Variants in STT3B observed in about 807,000 individuals in gnomAD.
STT3B encodes the protein dolichyl-diphosphooligosaccharide--protein glycosyltransferase subunit STT3B.
Under a neutral mutation model 96.8 loss-of-function variants are expected in STT3B, and 29 were observed. The ratio of observed to expected loss-of-function variants is 0.30; its 90% CI spans 0.22 to 0.41. The LOEUF (loss-of-function observed/expected upper bound fraction) is 0.41. STT3B is among the 10% of genes least tolerant of loss of function. The probability of loss-of-function intolerance (pLI) is 1.00; values close to 1 mark genes in which losing one functional copy is unlikely to be tolerated. For missense variants in STT3B, 640 were observed against 1,022.3 expected, an observed-to-expected ratio of 0.63 and a Z score of 5.10; for synonymous variants, 367 against 360.0, an observed-to-expected ratio of 1.02 and a Z score of -0.22.
intron 1 of STT3B, among the ~76,000 whole-genome samples, chr3:31,546,548 G>A (rs1267086080): frequency 6.6e-6 from 1 of 152,180 alleles, no homozygotes; most frequent in Admixed American, 6.5e-5. Context: ...GCTATATTTT[G>A]TTGTTCTCAA....
intron 1 of STT3B, among the ~76,000 whole-genome samples, chr3:31,561,614 TC>T (rs1697881668): frequency 6.6e-6 from 1 of 152,062 alleles, no homozygotes; most frequent in Non-Finnish European, 1.5e-5. Flanking sequence ...ATCTTTCTAC[TC>T]CCTGTGTCCA....
chr3:31,617,762 A>C (rs553156095), intron 7 of STT3B, among the ~76,000 whole-genome samples, 178 bp from the exon 8 acceptor site: 2 of 152,130 alleles, frequency 1.3e-5, no homozygotes, highest in South Asian at 4.1e-4. Context: ...TTATTTGATC[A>C]CTACCTTATT....
intron 1 of STT3B, among the ~76,000 whole-genome samples, chr3:31,562,107 T>G (rs1697894226): frequency 6.6e-6 from 1 of 152,070 alleles, no homozygotes; most frequent in Non-Finnish European, 1.5e-5. Context: ...CCAGGCTGAT[T>G]TTAGGCCTCC....
chr3:31,607,013 C>T (rs1448680898), intron 5 of STT3B, among the ~76,000 whole-genome samples: 1 of 152,122 alleles, frequency 6.6e-6, no homozygotes, highest in Admixed American at 6.6e-5. Context: ...ATTTGACTGC[C>T]CTGCTGGATT....
chr3:31,587,486 C>G (rs1013595655), intron 3 of STT3B, among the ~76,000 whole-genome samples: 2 of 152,056 alleles, frequency 1.3e-5, no homozygotes, highest in South Asian at 2.1e-4. Flanking sequence ...TCAAGCTACC[C>G]TCCCACCTCA....
At chr3:31,628,194 C>T (rs559789201) in intron 13 of STT3B, among the ~76,000 whole-genome samples, 460 of 104,982 alleles carry the variant, frequency 4.4e-3, no homozygotes, top group Non-Finnish European at 5.6e-3. Flanking sequence ...CATAAATATA[C>T]ACAAATTTAT....
intron 13 of STT3B, among the ~76,000 whole-genome samples, chr3:31,628,605 A>G (rs1023253276): frequency 1.3e-5 from 2 of 152,154 alleles, no homozygotes; most frequent in Admixed American, 6.5e-5. Flanking sequence ...ATTGTTCCTC[A>G]TAGAGGTTAA....
Position 31,533,114 on chromosome 3 carries a change from A to C in STT3B, c.116A>C (p.Gln39Pro). The C allele has an allele frequency of 7.2e-7, 1 of 1,388,710 alleles. No homozygotes were observed. The highest frequency in any genetic ancestry group is 9.3e-7 in the Non-Finnish European group (1 of 1,071,184). 86.0% of individuals were successfully genotyped at this position (1,388,710 alleles called of 1,614,324 possible). The change falls in exon 1 of 16, where the codon CAG becomes CCG. Residue 39 changes from glutamine (Q) to proline (P), a missense_variant. Gln to Pro is a moderately conservative substitution (Grantham distance 76, BLOSUM62 -1). Transcript: ENST00000295770. Reference sequence around the variant, plus strand: ...CACGGCCACCACGGGCCCGGGGCCCAGTGCGCGCACAAGGCGGCGGGCGGC... The same window carrying C: ...CACGGCCACCACGGGCCCGGGGCCCCGTGCGCGCACAAGGCGGCGGGCGGC... ...SRHGHHGPGAQCAHKAAGGAA... is the reference protein window; with the variant it reads ...SRHGHHGPGAPCAHKAAGGAA...
chr3:31,555,850 T>C (rs371444224), intron 1 of STT3B, among the ~76,000 whole-genome samples: 41 of 152,260 alleles, frequency 2.7e-4, no homozygotes, highest in African/African-American at 9.9e-4. Context: ...TCCAGTCAAG[T>C]TATTTAGGGG....
chr3:31,627,954 C>G (rs1479299341), intron 13 of STT3B, among the ~76,000 whole-genome samples: 2 of 151,788 alleles, frequency 1.3e-5, no homozygotes, highest in African/African-American at 4.8e-5. Flanking sequence ...ATGTCTACCC[C>G]CTTCACGTGA....
At chr3:31,608,133 C>T (rs1699097127) in intron 5 of STT3B, among the ~76,000 whole-genome samples, 1 of 152,050 alleles carries the variant, frequency 6.6e-6, no homozygotes, top group Admixed American at 6.6e-5. Flanking sequence ...AATTGTTTTG[C>T]CTTTACTGTT....
chr3:31,607,791 G>A (rs1236401042), intron 5 of STT3B, among the ~76,000 whole-genome samples: 3 of 152,022 alleles, frequency 2.0e-5, no homozygotes, highest in Non-Finnish European at 4.4e-5. Flanking sequence ...ATGGTAGGGG[G>A]ATCTCATTAA....
At chr3:31,624,770 T>C (rs1699500146) in intron 11 of STT3B, 144 bp from the exon 12 acceptor site, 1 of 580,398 alleles carries the variant, frequency 1.7e-6, no homozygotes, top group African/African-American at 1.9e-5. Context: ...TTCACTTTTT[T>C]TTTTCTCATT....
At chr3:31,626,747 G>A (rs1699546892) in intron 13 of STT3B, among the ~76,000 whole-genome samples, 1 of 152,174 alleles carries the variant, frequency 6.6e-6, no homozygotes, top group African/African-American at 2.4e-5. Context: ...CTAATTTATA[G>A]TGCCGTTTAA....
intron 5 of STT3B, among the ~76,000 whole-genome samples, chr3:31,614,325 G>T (rs946463610): frequency 6.6e-6 from 1 of 151,902 alleles, no homozygotes; most frequent in East Asian, 1.9e-4. Context: ...TTTAGTTTCA[G>T]TGACTTCAAA....
chr3:31,572,135 C>A (rs1698172245), intron 1 of STT3B, among the ~76,000 whole-genome samples: 4 of 124,030 alleles, frequency 3.2e-5, no homozygotes, highest in African/African-American at 3.9e-5. Context: ...AAGGAAGCAC[C>A]TGATCTAAAT....
chr3:31,602,057 A>G (rs1698940729), intron 5 of STT3B, among the ~76,000 whole-genome samples: 1 of 152,034 alleles, frequency 6.6e-6, no homozygotes, highest in Non-Finnish European at 1.5e-5. Context: ...CCAGGAGTTC[A>G]AGACTGCAGT....
At chr3:31,545,260 C>A (rs957836446) in intron 1 of STT3B, among the ~76,000 whole-genome samples, 1 of 152,068 alleles carries the variant, frequency 6.6e-6, no homozygotes, top group Non-Finnish European at 1.5e-5. Context: ...AAAGGAAGAT[C>A]TTTTCACCTG....
intron 6 of STT3B, 30 bp from the exon 7 acceptor site, chr3:31,616,899 G>A: frequency 6.4e-7 from 1 of 1,571,070 alleles, no homozygotes; most frequent in Non-Finnish European, 8.7e-7. Flanking sequence ...AAACTGCTTT[G>A]TTGATTATGT....
Sources: gnomAD v4.1 joint callset for allele counts (sites outside exome capture counted in the v4.1 genomes callset) on GRCh38, gnomAD v4.1.1 for gene constraint, MANE v1.5 for transcripts, NCBI Gene and HGNC (gene_info 2026-07-23, HGNC 2026-07-21) for gene names.